The following ABHD5 variants were observed in gnomAD, a reference collection of about 807,000 sequenced individuals.
ABHD5 encodes the protein abhydrolase domain containing 5, lysophosphatidic acid acyltransferase, also known as 1-acylglycerol-3-phosphate O-acyltransferase ABHD5.
Under a neutral mutation model 44.9 loss-of-function variants are expected in ABHD5, and 30 were observed. The ratio of observed to expected loss-of-function variants is 0.67; its 90% confidence interval spans 0.50 to 0.91. The LOEUF (loss-of-function observed/expected upper bound fraction) is 0.91. Among genes scored for constraint, ABHD5 ranks in the 40% least tolerant of loss-of-function variants. ABHD5 has a pLI of 0.00. For missense variants in ABHD5, 399 were observed against 423.4 expected (o/e 0.94, Z 0.50); for synonymous variants, 167 against 147.0 (o/e 1.14, Z -0.99).
chr3:43,701,108 C>T (rs1315799504), intron 2 of ABHD5, among the ~76,000 whole-genome samples: 2 of 152,176 alleles, frequency 1.3e-5, no homozygotes, highest in East Asian at 1.9e-4. Flanking sequence ...GCTTTAGTGT[C>T]AGACATGAAA....
At chr3:43,733,243 C>G (rs1389956340) in intron 7 of ABHD5, among the ~76,000 whole-genome samples, 4 of 152,182 alleles carry the variant, frequency 2.6e-5, no homozygotes, top group African/African-American at 7.2e-5. Flanking sequence ...CTACCACACT[C>G]ATTCATAATA....
chr3:43,723,625 C>T (rs1044427220), downstream of ABHD5, among the ~76,000 whole-genome samples: 10 of 152,172 alleles, frequency 6.6e-5, no homozygotes, highest in African/African-American at 2.4e-4. Flanking sequence ...TGAATCTAAT[C>T]AAGCCTCTAC....
At chr3:43,699,127 T>A (rs532211719) in intron 1 of ABHD5, 149 bp from the exon 2 acceptor site, 2 of 721,060 alleles carry the variant, frequency 2.8e-6, no homozygotes, top group East Asian at 5.4e-5. Flanking sequence ...CACCATGCTT[T>A]GTGCATGTTA....
At position 43,717,732 on chromosome 3, in the gene ABHD5, C is replaced by T. The variant is rs774914927; in HGVS notation, c.835C>T (p.Gln279Ter). Residue 279 changes from glutamine to a stop codon, truncating the protein, a stop_gained, in exon 6 of 7, where the codon CAG becomes TAG. Transcript: ENST00000644371. LOFTEE classifies it high-confidence loss of function. ...PYGWAKRPML[Q>*]RIGKMHPDIP... ...TGGATGGGCAAAAAGGCCAATGCTC[C>T]AGCGAATTGGTAAAATGCACCCTGA... The T allele has an allele frequency of 6.2e-7, 1 of 1,614,048 alleles. No homozygotes were observed. Among genetic ancestry groups the T allele is most frequent in the East Asian group, 2.2e-5 (1 of 44,894 alleles).
intron 3 of ABHD5, among the ~76,000 whole-genome samples, chr3:43,709,435 A>G (rs558422430): frequency 6.6e-6 from 1 of 152,358 alleles, no homozygotes; most frequent in South Asian, 2.1e-4. Flanking sequence ...ACAGTCACTT[A>G]CCTACAGACA....
chr3:43,729,672 C>T (rs1257026141), intron 7 of ABHD5, among the ~76,000 whole-genome samples: 2 of 152,152 alleles, frequency 1.3e-5, no homozygotes, highest in Non-Finnish European at 2.9e-5. Context: ...GATAATTTGT[C>T]TAGCCAAGTT....
chr3:43,714,196 G>A (rs577996326), intron 4 of ABHD5, among the ~76,000 whole-genome samples: 4 of 148,908 alleles, frequency 2.7e-5, no homozygotes, highest in Non-Finnish European at 5.9e-5. Flanking sequence ...GTGCAGTGGC[G>A]CGATCTTGGC....
intron 1 of ABHD5, among the ~76,000 whole-genome samples, chr3:43,697,728 G>A (rs377007722): frequency 2.8e-4 from 42 of 152,284 alleles, no homozygotes; most frequent in South Asian, 2.7e-3. Flanking sequence ...GGTAGGCTGT[G>A]GATGGATTGC....
chr3:43,709,689 T>C (rs1182466095), intron 3 of ABHD5, among the ~76,000 whole-genome samples: 1 of 152,172 alleles, frequency 6.6e-6, no homozygotes, highest in East Asian at 1.9e-4. Context: ...TCATTAGTTC[T>C]ACTCATACCC....
intron 2 of ABHD5, chr3:43,699,567 C>T (rs913925419): frequency 3.7e-6 from 2 of 543,932 alleles, no homozygotes; most frequent in Admixed American, 6.1e-5. Flanking sequence ...TCTTGGGCCC[C>T]TGTTATACTC....
chr3:43,731,933 G>A (rs1024745980), intron 7 of ABHD5, among the ~76,000 whole-genome samples: 1 of 152,156 alleles, frequency 6.6e-6, no homozygotes, highest in Non-Finnish European at 1.5e-5. Flanking sequence ...TCTGAATGCA[G>A]CGCCCCATGC....
chr3:43,707,560 C>T (rs2149599719), intron 3 of ABHD5: 1 of 152,270 alleles, frequency 6.6e-6, no homozygotes, highest in South Asian at 2.1e-4. Flanking sequence ...TGTGCATTGA[C>T]TAGAGTTCTT....
Position 43,714,996 on chromosome 3 carries a change from T to G in ABHD5, c.711T>G (p.Ser237=), listed in dbSNP as rs770953226. 2 of 1,613,790 alleles carry G rather than the reference T, an allele frequency of 1.2e-6. No homozygotes were observed. Among genetic ancestry groups the G allele is most frequent in the Admixed American group, 3.3e-5 (2 of 59,988 alleles). ...RLRPDFKRKY[S]SMFEDDTVTE... is the part of the protein sequence containing the mutation. The stretch of plus-strand genomic sequence containing the variant: ...GGCCTGATTTCAAACGAAAGTATTC[T>G]TCAATGTTCGAAGACGATACTGTGA... The change falls in exon 5 of 7, where the codon TCT becomes TCG. Residue 237 remains serine (S), a synonymous_variant. Transcript: ENST00000644371.
At chr3:43,730,548 G>A (rs564465632) in intron 7 of ABHD5, among the ~76,000 whole-genome samples, 13 of 133,990 alleles carry the variant, frequency 9.7e-5, no homozygotes, top group South Asian at 2.4e-4. Context: ...CCCTGTCTCC[G>A]AGGCTGGAAT....
intron 7 of ABHD5, among the ~76,000 whole-genome samples, chr3:43,732,656 C>A (rs1697258922): frequency 6.6e-6 from 1 of 152,104 alleles, no homozygotes; most frequent in South Asian, 2.1e-4. Flanking sequence ...AAGGTAAGCA[C>A]AATATTTAAA....
chr3:43,693,122 A>G (rs964400863), intron 1 of ABHD5, among the ~76,000 whole-genome samples: 1 of 152,198 alleles, frequency 6.6e-6, no homozygotes, highest in Admixed American at 6.5e-5. Context: ...GTTGTCCTAG[A>G]GAATGATTTA....
In ABHD5 at chr3:43,702,442, G is replaced by A. The variant is rs1376488702; in HGVS notation, c.361G>A (p.Asp121Asn). The A allele has an allele frequency of 5.0e-6, 8 of 1,614,232 alleles. No homozygotes were observed. Among genetic ancestry groups the A allele is most frequent in the Non-Finnish European group, 8.5e-7 (1 of 1,180,046 alleles). ...TGGACGAAGTAGTAGACCCAGGTTT[G>A]ACAGTGATGCAGAAGAAGTGGAGAA... ...GFGRSSRPRF[D>N]SDAEEVENQF... The change falls in exon 3 of 7, where the codon GAC becomes AAC. Residue 121 changes from aspartate to asparagine, a missense_variant. By Grantham distance (23) the Asp-to-Asn change is conservative. Transcript: ENST00000644371.
intron 7 of ABHD5, among the ~76,000 whole-genome samples, chr3:43,731,278 A>G (rs2084911264): frequency 6.6e-6 from 1 of 152,232 alleles, no homozygotes; most frequent in Admixed American, 6.5e-5. Context: ...TGAAAATTCT[A>G]CATATTGCCA....
downstream of ABHD5, among the ~76,000 whole-genome samples, chr3:43,726,028 G>A (rs931529748): frequency 2.6e-5 from 4 of 151,954 alleles, no homozygotes; most frequent in Admixed American, 2.6e-4. Context: ...ACCATGCTCG[G>A]CTAATTTTTG....
Sources: gnomAD v4.1 joint callset for allele counts (sites outside exome capture counted in the v4.1 genomes callset) on GRCh38, gnomAD v4.1.1 for gene constraint, MANE v1.5 for transcripts, NCBI Gene and HGNC (gene_info 2026-07-23, HGNC 2026-07-21) for gene names.